The following PLPPR1 variants were observed in gnomAD, a reference collection of about 807,000 sequenced individuals.
PLPPR1 encodes phospholipid phosphatase related 1.
Under a neutral mutation model 33.1 loss-of-function variants are expected in PLPPR1, and 10 were observed. The ratio of observed to expected loss-of-function variants is 0.30; its 90% confidence interval spans 0.19 to 0.51. The LOEUF (loss-of-function observed/expected upper bound fraction) is 0.51, where lower values mean the gene tolerates loss of function less well. Among genes scored for constraint, PLPPR1 ranks in the 20% least tolerant of loss-of-function variants. The probability of loss-of-function intolerance (pLI) is 0.97; values close to 1 mark genes in which losing one functional copy is unlikely to be tolerated. For missense variants in PLPPR1, 304 were observed against 408.1 expected (o/e 0.74, Z 2.20); for synonymous variants, 151 against 151.0 (o/e 1.00, Z 0.00).
chr9:101,100,697 CGTGT>C (rs56760066), intron 1 of PLPPR1, among the ~76,000 whole-genome samples: 69,697 of 146,702 alleles, frequency 0.48, 16,142 homozygotes, highest in African/African-American at 0.51. Context: ...CTCTTTGTTC[CGTGT>C]GTGTGTGTGT....
At chr9:101,042,426 C>T (rs1830087388) in intron 1 of PLPPR1, among the ~76,000 whole-genome samples, 1 of 152,126 alleles carries the variant, frequency 6.6e-6, no homozygotes, top group African/African-American at 2.4e-5. Flanking sequence ...ACCCTAGGGA[C>T]ACTTCTTTTG....
At position 101,300,720 on chromosome 9, in the gene PLPPR1, G is replaced by A. The variant is rs186560822; in HGVS notation, c.386-8491G>A. Among the ~76,000 whole-genome samples the A allele has an allele frequency of 9.8e-5, 15 of 152,304 alleles. No individual in the cohort carries two copies. In the Middle Eastern group the frequency reaches 0.01, roughly 104 times the overall value. ...CCAGGCCTCAATATTCCTATATTTCGATATCTCTTGGTAGCTACATTTTTT... is the reference window on the plus strand; with the variant it reads ...CCAGGCCTCAATATTCCTATATTTCAATATCTCTTGGTAGCTACATTTTTT... On this transcript the variant is annotated intron_variant, in intron 4 of 7. Coordinates refer to ENST00000374874, the MANE Select transcript of PLPPR1 (RefSeq NM_207299.2).
At chr9:101,284,033 G>T (rs1042311041) in intron 3 of PLPPR1, among the ~76,000 whole-genome samples, 1 of 151,918 alleles carries the variant, frequency 6.6e-6, no homozygotes, top group African/African-American at 2.4e-5. Flanking sequence ...TGGTAGAAAT[G>T]TAAGTTAGTA....
chr9:101,098,931 AG>A (rs1830856779), intron 1 of PLPPR1, among the ~76,000 whole-genome samples: 1 of 152,118 alleles, frequency 6.6e-6, no homozygotes, highest in South Asian at 2.1e-4. Context: ...GAGCGTTTAA[AG>A]GCTGTCCTCG....
At chr9:101,144,528 T>G (rs974633162) in intron 1 of PLPPR1, among the ~76,000 whole-genome samples, 4 of 152,098 alleles carry the variant, frequency 2.6e-5, no homozygotes, top group African/African-American at 9.7e-5. Context: ...GGTGACCATG[T>G]GAAGACACAG....
At chr9:101,145,310 T>C (rs1450404852) in intron 1 of PLPPR1, among the ~76,000 whole-genome samples, 1 of 152,256 alleles carries the variant, frequency 6.6e-6, no homozygotes, top group African/African-American at 2.4e-5. Flanking sequence ...AGGTAGTTCA[T>C]GTGTTAATTA....
At chr9:101,118,919 A>G (rs1367022113) in intron 1 of PLPPR1, among the ~76,000 whole-genome samples, 1 of 148,800 alleles carries the variant, frequency 6.7e-6, no homozygotes, top group Admixed American at 6.7e-5. Context: ...TTGTTTTTTA[A>G]GACAAAGACA....
chr9:101,178,555 G>A (rs1459693809), intron 1 of PLPPR1, among the ~76,000 whole-genome samples: 2 of 152,236 alleles, frequency 1.3e-5, no homozygotes, highest in African/African-American at 4.8e-5. Context: ...CTCTGAACAA[G>A]GCACTCATTT....
chr9:101,313,055 C>T lies in PLPPR1; in HGVS notation c.813+81C>T, dbSNP rs1028914627. On this transcript the variant is annotated intron_variant, in intron 6 of 7. Transcript: ENST00000374874. Reference sequence around the variant, plus strand: ...GTGAGTCAGGTTTCCCAGACTTCACCATCTGTGTTCCTTTCGTCCCAACCT... The same window carrying T: ...GTGAGTCAGGTTTCCCAGACTTCACTATCTGTGTTCCTTTCGTCCCAACCT... 29 of 1,237,822 alleles carry T rather than the reference C, an allele frequency of 2.3e-5. No individual in the cohort carries two copies. In the African/African-American group the frequency reaches 4.0e-4, roughly 17 times the overall value. 76.7% of individuals were successfully genotyped at this position (1,237,822 alleles called of 1,614,324 possible). A position where few individuals can be genotyped will look rare whatever the true frequency, so the allele number is the denominator to read the frequency against.
At chr9:101,229,366 T>A (rs949862519) in intron 2 of PLPPR1, among the ~76,000 whole-genome samples, 1 of 152,100 alleles carries the variant, frequency 6.6e-6, no homozygotes, top group African/African-American at 2.4e-5. Context: ...GGGGCCCTGA[T>A]TACCTATTCC....
At chr9:101,255,784 C>T (rs1827790981) in intron 2 of PLPPR1, among the ~76,000 whole-genome samples, 1 of 152,136 alleles carries the variant, frequency 6.6e-6, no homozygotes, top group South Asian at 2.1e-4. Flanking sequence ...ATGGAATGTG[C>T]TTATCATTGC....
chr9:101,052,969 C>G (rs1414652822), intron 1 of PLPPR1, among the ~76,000 whole-genome samples: 1 of 152,126 alleles, frequency 6.6e-6, no homozygotes, highest in Non-Finnish European at 1.5e-5. Context: ...AAGAAATTGG[C>G]ACTTAAAGTC....
chr9:101,095,428 G>A (rs1564143175), intron 1 of PLPPR1, among the ~76,000 whole-genome samples: 1 of 152,252 alleles, frequency 6.6e-6, no homozygotes, highest in Non-Finnish European at 1.5e-5. Context: ...TGATGGGCTT[G>A]TTTGCCTGTA....
chr9:101,046,678 C>T (rs150431225), intron 1 of PLPPR1, among the ~76,000 whole-genome samples: 2,091 of 151,976 alleles, frequency 0.014, 54 homozygotes, highest in African/African-American at 0.048. Flanking sequence ...CTCCTGACCT[C>T]GTGATCCACC....
intron 3 of PLPPR1, among the ~76,000 whole-genome samples, chr9:101,270,483 G>A (rs1403368258): frequency 2.0e-5 from 3 of 152,186 alleles, no homozygotes; most frequent in Admixed American, 6.5e-5. Flanking sequence ...CCCTCAGGCC[G>A]ATATTTCCTG....
At chr9:101,223,420 T>C (rs1403920545) in intron 2 of PLPPR1, among the ~76,000 whole-genome samples, 2 of 151,956 alleles carry the variant, frequency 1.3e-5, no homozygotes, top group Non-Finnish European at 2.9e-5. Flanking sequence ...ATGGCAAATG[T>C]AGTGTAAAAT....
intron 1 of PLPPR1, among the ~76,000 whole-genome samples, chr9:101,130,165 G>T (rs1039460608): frequency 6.6e-6 from 1 of 152,116 alleles, no homozygotes; most frequent in Non-Finnish European, 1.5e-5. Context: ...CAGTTTATTT[G>T]TCAATTATAC....
intron 1 of PLPPR1, among the ~76,000 whole-genome samples, chr9:101,060,461 T>C (rs1830332604): frequency 6.6e-6 from 1 of 152,020 alleles, no homozygotes; most frequent in African/African-American, 2.4e-5. Flanking sequence ...AAATTTCATA[T>C]GTTTTCACTA....
chr9:101,282,851 A>G (rs1328730090), intron 3 of PLPPR1, among the ~76,000 whole-genome samples: 1 of 152,356 alleles, frequency 6.6e-6, no homozygotes, highest in East Asian at 1.9e-4. Context: ...AGTATCTACA[A>G]TGAAAAGTAT....
Sources: gnomAD v4.1 joint callset for allele counts (sites outside exome capture counted in the v4.1 genomes callset) on GRCh38, gnomAD v4.1.1 for gene constraint, MANE v1.5 for transcripts, NCBI Gene and HGNC (gene_info 2026-07-23, HGNC 2026-07-21) for gene names.